The following BAZ2B variants were observed in gnomAD, a reference collection of about 807,000 sequenced individuals.
The protein encoded by BAZ2B is bromodomain adjacent to zinc finger domain protein 2B.
Under a neutral mutation model 246.0 loss-of-function variants are expected in BAZ2B, and 91 were observed. That is an observed-to-expected ratio of 0.37 (90% confidence interval 0.31 to 0.44). The LOEUF is 0.44. Ranked by LOEUF, BAZ2B falls within the 20% of genes least tolerant of loss-of-function variation. The probability of loss-of-function intolerance (pLI) is 1.00; values close to 1 mark genes in which losing one functional copy is unlikely to be tolerated. For missense variants in BAZ2B, 2,332 were observed against 2,533.7 expected (o/e 0.92, Z 1.71); for synonymous variants, 855 against 860.0 (o/e 0.99, Z 0.10).
intron 1 of BAZ2B, among the ~76,000 whole-genome samples, chr2:159,557,467 G>A (rs1351708994): frequency 6.6e-6 from 1 of 152,100 alleles, no homozygotes; most frequent in African/African-American, 2.4e-5. Flanking sequence ...CCATGTTCCA[G>A]TCACAATCAC....
chr2:159,641,206 T>C, the BAZ2B span, among the ~76,000 whole-genome samples: 17 of 152,330 alleles, frequency 1.1e-4, no homozygotes, highest in Admixed American at 2.0e-4. Flanking sequence ...AGCATTCCTT[T>C]TTCTCCACAA....
intron 27 of BAZ2B, among the ~76,000 whole-genome samples, chr2:159,371,289 C>T (rs187553730): frequency 2.6e-5 from 4 of 152,058 alleles, no homozygotes; most frequent in Admixed American, 6.6e-5. Flanking sequence ...ACTATAGGCA[C>T]GTGTCACTGC....
intron 36 of BAZ2B, 57 bp from the exon 37 acceptor site, chr2:159,320,475 C>T (rs1362685847): frequency 4.3e-6 from 6 of 1,409,110 alleles, no homozygotes; most frequent in Non-Finnish European, 5.7e-6. Flanking sequence ...GTTTTGTAAA[C>T]AAATGAAGAG....
chr2:159,481,003 T>A (rs1036588905), intron 2 of BAZ2B, among the ~76,000 whole-genome samples: 1 of 152,108 alleles, frequency 6.6e-6, no homozygotes, highest in African/African-American at 2.4e-5. Context: ...TTAATAGGCA[T>A]TTCTTAGTTC....
chr2:159,599,406 G>A (rs1347734608), intron 1 of BAZ2B, among the ~76,000 whole-genome samples: 3 of 149,526 alleles, frequency 2.0e-5, no homozygotes, highest in African/African-American at 7.4e-5. Flanking sequence ...ATTACCTGAG[G>A]CTGGGAGTTT....
chr2:159,348,755 A>G lies in BAZ2B; in HGVS notation c.5216T>C (p.Ile1739Thr), dbSNP rs2058245573. 2 of 1,613,362 alleles carry G rather than the reference A, an allele frequency of 1.2e-6. No individual in the cohort carries two copies. The highest frequency in any genetic ancestry group is 3.3e-5 in the Admixed American group (2 of 59,862). ...TTGTTTTTGTAATGCCTTTTCTCTT[A>G]TTCCTCTGAGATGCAGCACTTTGAG... ...ALLKVLHLRG[I>T]REKALQKQIQ... Residue 1739 changes from isoleucine (I) to threonine (T), a missense_variant, in exon 30 of 37, where the codon ATA (isoleucine) becomes ACA (threonine). Physicochemically the swap from Ile to Thr is moderately conservative, Grantham distance 89. Coordinates refer to ENST00000392783, the MANE Select transcript of BAZ2B (RefSeq NM_013450.4).
At chr2:159,704,466 CTCTA>C in the BAZ2B span, among the ~76,000 whole-genome samples, 2 of 56,412 alleles carry the variant, frequency 3.5e-5, no homozygotes, top group South Asian at 7.2e-4. Flanking sequence ...CTCCCTCCCT[CTCTA>C]TCTTTCTTTT....
chr2:159,667,503 C>T, the BAZ2B span, among the ~76,000 whole-genome samples: 3 of 151,518 alleles, frequency 2.0e-5, no homozygotes, highest in Non-Finnish European at 2.9e-5. Flanking sequence ...GTCTGAGGCA[C>T]GAGAATCGCT....
chr2:159,326,863 A>C (rs2063788002), intron 34 of BAZ2B, among the ~76,000 whole-genome samples: 1 of 152,212 alleles, frequency 6.6e-6, no homozygotes, highest in Non-Finnish European at 1.5e-5. Flanking sequence ...AAATGTTATA[A>C]TAAATATAAT....
intron 18 of BAZ2B, 111 bp from the exon 19 acceptor site, chr2:159,397,500 A>T: frequency 1.8e-6 from 1 of 570,342 alleles, no homozygotes; most frequent in Non-Finnish European, 3.0e-6. Flanking sequence ...AGGTTGAACC[A>T]TATGAAATGG....
chr2:159,587,983 G>A (rs1196007083), intron 1 of BAZ2B, among the ~76,000 whole-genome samples: 4 of 152,066 alleles, frequency 2.6e-5, no homozygotes, highest in Non-Finnish European at 5.9e-5. Context: ...TTGAGCCCTG[G>A]AGTGTTAAGA....
At chr2:159,576,987 A>G (rs1337286855) in intron 1 of BAZ2B, among the ~76,000 whole-genome samples, 1 of 149,640 alleles carries the variant, frequency 6.7e-6, no homozygotes, top group Non-Finnish European at 1.5e-5. Context: ...GCCCTTTGGG[A>G]GAACAAGGTT....
chr2:159,357,877 C>T (rs556987518), intron 27 of BAZ2B, among the ~76,000 whole-genome samples: 13 of 152,138 alleles, frequency 8.5e-5, no homozygotes, highest in South Asian at 2.1e-4. Context: ...GCTTCATAAG[C>T]GAAGGAGAAA....
intron 31 of BAZ2B, among the ~76,000 whole-genome samples, chr2:159,342,500 G>T (rs2066904531): frequency 6.6e-6 from 1 of 152,054 alleles, no homozygotes; most frequent in Non-Finnish European, 1.5e-5. Flanking sequence ...TCCCCAGGCT[G>T]GTCTCAAACT....
At chr2:159,495,702 T>C (rs2081037354) in intron 2 of BAZ2B, among the ~76,000 whole-genome samples, 1 of 151,986 alleles carries the variant, frequency 6.6e-6, no homozygotes, top group Non-Finnish European at 1.5e-5. Flanking sequence ...CACATGGTAG[T>C]GTTGGAGTAA....
At chr2:159,571,256 T>C (rs1348032827) in intron 1 of BAZ2B, among the ~76,000 whole-genome samples, 1 of 152,112 alleles carries the variant, frequency 6.6e-6, no homozygotes, top group African/African-American at 2.4e-5. Context: ...CCAAAAAACA[T>C]GACACTGTGA....
chr2:159,574,146 C>T (rs1331231995), intron 1 of BAZ2B, among the ~76,000 whole-genome samples: 1,448 of 36,304 alleles, frequency 0.04, 23 homozygotes, highest in African/African-American at 0.18. Flanking sequence ...CACACATACA[C>T]ACACACACAC....
At chr2:159,604,949 T>C (rs1424348279) in intron 1 of BAZ2B, among the ~76,000 whole-genome samples, 2 of 130,044 alleles carry the variant, frequency 1.5e-5, no homozygotes, top group South Asian at 6.3e-4. Context: ...TGTGTGTGTG[T>C]GTGCGCGTGT....
At chr2:159,435,590 G>C (rs1022812653) in intron 8 of BAZ2B, 1 of 152,222 alleles carries the variant, frequency 6.6e-6, no homozygotes, top group Non-Finnish European at 1.5e-5. Flanking sequence ...TCTTGACCTT[G>C]TGATTCGCCT....
Sources: gnomAD v4.1 joint callset for allele counts (sites outside exome capture counted in the v4.1 genomes callset) on GRCh38, gnomAD v4.1.1 for gene constraint, MANE v1.5 for transcripts, NCBI Gene and HGNC (gene_info 2026-07-23, HGNC 2026-07-21) for gene names.